Variants in CLUAP1 observed in about 807,000 individuals in gnomAD.
CLUAP1 encodes intraflagellar transport 38, also known as clusterin-associated protein 1.
In CLUAP1, 50 loss-of-function variants were observed where a neutral mutation model predicts 55.0. The ratio of observed to expected loss-of-function variants is 0.91; its 90% CI spans 0.72 to 1.15. CLUAP1 has a LOEUF of 1.15. Among genes scored for constraint, CLUAP1 ranks in the 50% most tolerant of loss-of-function variants. CLUAP1 has a pLI of 0.00. For synonymous variants in CLUAP1, 195 were observed against 175.4 expected, an observed-to-expected ratio of 1.11 and a Z score of -0.88; for missense variants, 530 against 507.6, an observed-to-expected ratio of 1.04 and a Z score of -0.42.
intron 10 of CLUAP1, 109 bp from the exon 11 acceptor site, chr16:3,532,677 G>A: frequency 8.8e-7 from 1 of 1,139,640 alleles, no homozygotes; most frequent in Non-Finnish European, 1.3e-6. Flanking sequence ...AAATTCCTGG[G>A]ATTATACGCA....
At chr16:3,516,469 CAGAT>C (rs2037731280) in intron 6 of CLUAP1, among the ~76,000 whole-genome samples, 1 of 152,074 alleles carries the variant, frequency 6.6e-6, no homozygotes, top group East Asian at 1.9e-4. Flanking sequence ...AGATTGGTGA[CAGAT>C]AGGCAGATGG....
intron 3 of CLUAP1, among the ~76,000 whole-genome samples, chr16:3,507,196 A>T (rs2037524261): frequency 7.4e-6 from 1 of 134,250 alleles, no homozygotes; most frequent in Admixed American, 7.3e-5. Flanking sequence ...ACTCTGTCTT[A>T]AAAAAAAAAA....
intron 8 of CLUAP1, among the ~76,000 whole-genome samples, chr16:3,523,625 T>A (rs2037882336): frequency 6.6e-6 from 1 of 152,214 alleles, no homozygotes. Context: ...GTCACTGTCT[T>A]GAAATTCATA....
intron 2 of CLUAP1, among the ~76,000 whole-genome samples, chr16:3,505,253 G>A (rs139169997): frequency 3.0e-3 from 451 of 152,240 alleles, no homozygotes; most frequent in Non-Finnish European, 3.8e-3. Flanking sequence ...AAATCAGGCC[G>A]GGCGCAGTGG....
chr16:3,510,301 T>G (rs1294016053), intron 4 of CLUAP1, among the ~76,000 whole-genome samples: 1 of 147,910 alleles, frequency 6.8e-6, no homozygotes, highest in Non-Finnish European at 1.5e-5. Context: ...GCTTTGTATT[T>G]TTTTTTTTTT....
intron 1 of CLUAP1, among the ~76,000 whole-genome samples, chr16:3,504,045 C>T (rs1455277108): frequency 6.6e-6 from 1 of 152,210 alleles, no homozygotes; most frequent in African/African-American, 2.4e-5. Flanking sequence ...AAGTCCTGCT[C>T]TCTTGAAAGC....
chr16:3,527,904 C>T (rs2037978782), intron 9 of CLUAP1, among the ~76,000 whole-genome samples: 2 of 152,328 alleles, frequency 1.3e-5, no homozygotes, highest in Non-Finnish European at 2.9e-5. Flanking sequence ...GCTCACTCTC[C>T]TTACCCTGCC....
At chr16:3,518,918 G>T (rs774857015) in intron 6 of CLUAP1, among the ~76,000 whole-genome samples, 6 of 152,136 alleles carry the variant, frequency 3.9e-5, no homozygotes, top group Non-Finnish European at 8.8e-5. Context: ...TAACCCCTTC[G>T]TGGGATGCTA....
chr16:3,529,424 TATATATA>T (rs1596402569), intron 9 of CLUAP1, among the ~76,000 whole-genome samples: 1 of 83,216 alleles, frequency 1.2e-5, no homozygotes, highest in Non-Finnish European at 2.1e-5. Flanking sequence ...TATATATTAT[TATATATA>T]ATATATATTA....
upstream of CLUAP1, among the ~76,000 whole-genome samples, chr16:3,498,576 A>G (rs1267144343): frequency 6.6e-6 from 1 of 152,192 alleles, no homozygotes; most frequent in Non-Finnish European, 1.5e-5. Context: ...TGGGACACTC[A>G]GGTGGTCAGA....
chr16:3,505,589 T>C (rs1452624759), intron 2 of CLUAP1, among the ~76,000 whole-genome samples: 1 of 144,786 alleles, frequency 6.9e-6, no homozygotes, highest in African/African-American at 2.6e-5. Context: ...GTTTAAAGAA[T>C]GCTGTGGGAG....
rs184943914 is a variant in CLUAP1 at position 3,501,303 on chromosome 16, C to G, written c.22+214C>G. The stretch of plus-strand genomic sequence containing the variant: ...ATTTCTAGCGAGGATGGAAAGTTCT[C>G]TATCTGCCACTGGCCGCGTGTGGCT... On this transcript the variant is annotated intron_variant, in intron 1 of 11. Coordinates refer to ENST00000576634, the MANE Select transcript of CLUAP1 (RefSeq NM_015041.3). Among the ~76,000 whole-genome samples, 11 of 152,364 alleles carry G rather than the reference C, an allele frequency of 7.2e-5. No homozygotes were observed. In the East Asian group the frequency reaches 2.1e-3, roughly 29 times the overall value.
In CLUAP1 at chr16:3,504,727, A is replaced by G. The variant is rs1389828807; in HGVS notation, c.30A>G (p.Thr10=). Reference sequence around the variant, plus strand: ...GTATTTTTCCTTGGACAGATTTCACAGAGATGATGAGAGCCCTGGGATACC... The same window carrying G: ...GTATTTTTCCTTGGACAGATTTCACGGAGATGATGAGAGCCCTGGGATACC... MSFRDLRNF[T]EMMRALGYPR... is the part of the protein sequence containing the mutation. The change falls in exon 2 of 12, where the codon ACA becomes ACG. Residue 10 remains threonine (T), a synonymous_variant. Coordinates refer to ENST00000576634, the MANE Select transcript of CLUAP1 (RefSeq NM_015041.3). 3 of 1,589,974 alleles carry G rather than the reference A, an allele frequency of 1.9e-6. No homozygotes were observed. Among genetic ancestry groups the G allele is most frequent in the African/African-American group, 2.7e-5 (2 of 74,388 alleles).
intron 2 of CLUAP1, 127 bp from the exon 3 acceptor site, chr16:3,506,204 A>C: frequency 1.4e-6 from 1 of 731,320 alleles, no homozygotes; most frequent in Non-Finnish European, 2.4e-6. Context: ...CCTTGATCTC[A>C]CTCTCCCACT....
At chr16:3,503,353 C>T (rs183362479) in intron 1 of CLUAP1, among the ~76,000 whole-genome samples, 11 of 152,212 alleles carry the variant, frequency 7.2e-5, no homozygotes, top group Non-Finnish European at 1.3e-4. Flanking sequence ...TTAGTAGAGA[C>T]GGGGTTTCAC....
rs938197865 is a variant in CLUAP1 at position 3,520,005 on chromosome 16, C to G, written c.682C>G (p.Arg228Gly). The G allele has an allele frequency of 6.2e-7, 1 of 1,613,266 alleles. No homozygotes were observed. Among genetic ancestry groups the G allele is most frequent in the Admixed American group, 1.7e-5 (1 of 59,892 alleles). Residue 228 changes from arginine to glycine, a missense_variant, in exon 7 of 12, where the codon CGG (arginine) becomes GGG (glycine). Transcript: ENST00000576634. Reference sequence around the variant, plus strand: ...GAGAAAATTAGAACTGGAAAGAAATCGGAAGCGACTAGAGACTCTGCAGAG... The same window carrying G: ...GAGAAAATTAGAACTGGAAAGAAATGGGAAGCGACTAGAGACTCTGCAGAG... ...EKRKLELERN[R>G]KRLETLQSVR...
Position 3,523,206 on chromosome 16 carries a change from G to A in CLUAP1, c.762G>A (p.Lys254=). 1 of 1,613,600 alleles carries A rather than the reference G, an allele frequency of 6.2e-7. No individual in the cohort carries two copies. The change falls in exon 8 of 12, where the codon AAG becomes AAA. Residue 254 remains lysine, a synonymous_variant. Coordinates refer to ENST00000576634, the MANE Select transcript of CLUAP1 (RefSeq NM_015041.3). ...AGAAGACTGAGGAAGAATTACAAAAGCAGTATGACACTTATCTGGAGAAAT... is the reference window on the plus strand; with the variant it reads ...AGAAGACTGAGGAAGAATTACAAAAACAGTATGACACTTATCTGGAGAAAT... ...EYEKTEEELQ[K]QYDTYLEKFQ... is the part of the protein sequence containing the mutation.
intron 1 of CLUAP1, among the ~76,000 whole-genome samples, chr16:3,502,792 C>T (rs186270444): frequency 1.3e-5 from 2 of 152,126 alleles, no homozygotes; most frequent in South Asian, 2.1e-4. Flanking sequence ...TTGGGGAGCG[C>T]ACACACGGAG....
At chr16:3,521,778 G>C (rs947592831) in intron 7 of CLUAP1, among the ~76,000 whole-genome samples, 1 of 151,666 alleles carries the variant, frequency 6.6e-6, no homozygotes, top group Non-Finnish European at 1.5e-5. Context: ...CTTTAGACTG[G>C]GCACAGTGAT....
Sources: gnomAD v4.1 joint callset for allele counts (sites outside exome capture counted in the v4.1 genomes callset) on GRCh38, gnomAD v4.1.1 for gene constraint, MANE v1.5 for transcripts, NCBI Gene and HGNC (gene_info 2026-07-23, HGNC 2026-07-21) for gene names.